The following UBR3 variants were observed in gnomAD, a reference collection of about 807,000 sequenced individuals.
The protein encoded by UBR3 is E3 ubiquitin-protein ligase UBR3.
UBR3 carries 85 observed loss-of-function variants against 243.2 expected under a neutral mutation model. The ratio of observed to expected loss-of-function variants is 0.35; its 90% confidence interval spans 0.29 to 0.42. The LOEUF is 0.42. Ranked by LOEUF, UBR3 falls within the 10% of genes least tolerant of loss-of-function variation. The pLI is 1.00. For missense variants in UBR3, 1,686 were observed against 2,300.8 expected (o/e 0.73, Z 5.47); for synonymous variants, 748 against 799.8 (o/e 0.94, Z 1.09).
chr2:169,912,903 C>T (rs2085308991), intron 10 of UBR3, among the ~76,000 whole-genome samples: 1 of 152,018 alleles, frequency 6.6e-6, no homozygotes, highest in Non-Finnish European at 1.5e-5. Flanking sequence ...ACCTCAGCCT[C>T]CCTCCCAAGT....
intron 14 of UBR3, among the ~76,000 whole-genome samples, chr2:169,926,456 C>T (rs2085912714): frequency 1.3e-5 from 2 of 152,028 alleles, no homozygotes; most frequent in Admixed American, 6.6e-5. Flanking sequence ...GGTGTGGTGG[C>T]ACACACCTGT....
intron 18 of UBR3, among the ~76,000 whole-genome samples, chr2:169,930,679 C>G (rs1333716016): frequency 2.0e-5 from 3 of 152,170 alleles, no homozygotes; most frequent in Non-Finnish European, 4.4e-5. Flanking sequence ...ACCGCCATGC[C>G]TAGCCAGTTT....
intron 1 of UBR3, among the ~76,000 whole-genome samples, chr2:169,851,662 A>C (rs186653313): frequency 6.5e-4 from 99 of 152,052 alleles, no homozygotes; most frequent in African/African-American, 2.3e-3. Flanking sequence ...TCAAGAGATC[A>C]AGACCATCTT....
At chr2:169,923,447 A>C (rs1242960682) in intron 11 of UBR3, among the ~76,000 whole-genome samples, 3 of 152,214 alleles carry the variant, frequency 2.0e-5, no homozygotes, top group African/African-American at 7.2e-5. Flanking sequence ...ACCCCATAGC[A>C]TTCTTCTGAG....
At chr2:169,864,729 C>A (rs1253112644) in intron 1 of UBR3, among the ~76,000 whole-genome samples, 2 of 151,836 alleles carry the variant, frequency 1.3e-5, no homozygotes, top group Non-Finnish European at 2.9e-5. Context: ...CAGTGAAACC[C>A]CGTCTCTACT....
At chr2:169,924,269 A>G (rs1198678903) in intron 13 of UBR3, 96 bp downstream of exon 13, 1 of 926,570 alleles carries the variant, frequency 1.1e-6, no homozygotes, top group Non-Finnish European at 1.5e-6. Context: ...TATAGCTGAG[A>G]TGTTTGAAAA....
intron 10 of UBR3, among the ~76,000 whole-genome samples, chr2:169,907,022 G>A (rs1345798333): frequency 6.8e-6 from 1 of 147,448 alleles, no homozygotes; most frequent in Admixed American, 6.8e-5. Context: ...ATCTTACTAG[G>A]TTCAAATTTC....
At chr2:170,030,266 A>C (rs1271169096) in intron 31 of UBR3, among the ~76,000 whole-genome samples, 1 of 151,824 alleles carries the variant, frequency 6.6e-6, no homozygotes, top group East Asian at 1.9e-4. Context: ...CGTTTTGTAC[A>C]TTTTCTATTT....
In UBR3 at chr2:169,857,360, G is replaced by A. The variant is rs541160828; in HGVS notation, c.546-14876G>A. ...ACAAAGTGCTAATGTGAGCCACTGCGCCCGGCCCCATTGTGTTCTGAGGTC... is the reference window on the plus strand; with the variant it reads ...ACAAAGTGCTAATGTGAGCCACTGCACCCGGCCCCATTGTGTTCTGAGGTC... On this transcript the variant is annotated intron_variant, in intron 1 of 38. Transcript: ENST00000272793. 7.2e-5 allele frequency among the ~76,000 whole-genome samples: 11 copies of A among 151,874 alleles called. No individual in the cohort carries two copies. In the East Asian group the frequency reaches 1.4e-3, roughly 19 times the overall value.
chr2:169,830,326 G>A (rs1220706418), intron 1 of UBR3, among the ~76,000 whole-genome samples: 3 of 152,132 alleles, frequency 2.0e-5, no homozygotes, highest in African/African-American at 7.2e-5. Context: ...ATTACTCTGT[G>A]AGACTGCCTG....
intron 28 of UBR3, 131 bp downstream of exon 28, chr2:170,007,321 C>G (rs546719593): frequency 1.1e-6 from 1 of 907,514 alleles, no homozygotes; most frequent in African/African-American, 1.7e-5. Flanking sequence ...AGGTTTTGTT[C>G]TCTTCTATTT....
intron 10 of UBR3, among the ~76,000 whole-genome samples, chr2:169,907,193 C>T (rs1357908350): frequency 2.0e-5 from 3 of 151,774 alleles, no homozygotes; most frequent in Non-Finnish European, 2.9e-5. Flanking sequence ...TGCACCGGCA[C>T]ACCTGGCTAA....
intron 1 of UBR3, among the ~76,000 whole-genome samples, chr2:169,837,375 C>A (rs954709418): frequency 6.6e-6 from 1 of 152,156 alleles, no homozygotes; most frequent in Non-Finnish European, 1.5e-5. Flanking sequence ...TCTCGGGAGG[C>A]TGAGGCAAGA....
chr2:170,047,949 T>C (rs972610482), intron 32 of UBR3, among the ~76,000 whole-genome samples: 5 of 152,142 alleles, frequency 3.3e-5, no homozygotes, highest in Admixed American at 2.0e-4. Flanking sequence ...AACTCTTATT[T>C]TACTTAATAA....
At chr2:169,976,907 A>T in intron 24 of UBR3, among the ~76,000 whole-genome samples, 1 of 150,412 alleles carries the variant, frequency 6.6e-6, no homozygotes, top group Admixed American at 6.6e-5. Flanking sequence ...GGCTTTTTTC[A>T]CTCTTGTATT....
chr2:169,920,295 G>C (rs547361874), intron 11 of UBR3, among the ~76,000 whole-genome samples: 12 of 151,988 alleles, frequency 7.9e-5, no homozygotes, highest in Non-Finnish European at 1.6e-4. Context: ...GAAGGGGAAC[G>C]TCACACACCA....
intron 10 of UBR3, among the ~76,000 whole-genome samples, chr2:169,908,863 A>T (rs2085128965): frequency 7.5e-6 from 1 of 134,058 alleles, no homozygotes; most frequent in South Asian, 2.3e-4. Flanking sequence ...TTGCTCTGTC[A>T]CCCAGGCTGG....
At chr2:170,000,104 C>T (rs1422956176) in intron 26 of UBR3, among the ~76,000 whole-genome samples, 12 of 137,578 alleles carry the variant, frequency 8.7e-5, no homozygotes, top group Admixed American at 1.5e-4. Context: ...CCAGCCTGGG[C>T]AACAAGAGTG....
chr2:169,842,301 G>A (rs1369021204), intron 1 of UBR3, among the ~76,000 whole-genome samples: 2 of 152,094 alleles, frequency 1.3e-5, no homozygotes, highest in African/African-American at 2.4e-5. Context: ...TGATGGGGAC[G>A]TGGAGAACCT....
Sources: allele counts gnomAD v4.1 joint callset (sites outside exome capture counted in the v4.1 genomes callset), GRCh38; gene constraint gnomAD v4.1.1; transcripts MANE v1.5; gene names NCBI Gene and HGNC (gene_info 2026-07-23, HGNC 2026-07-21).